The following HARS1 variants were observed in gnomAD, a reference collection of about 807,000 sequenced individuals.
The protein encoded by HARS1 is histidyl-tRNA synthetase 1.
A neutral mutation model predicts 63.6 loss-of-function variants in HARS1; 45 were observed. The ratio of observed to expected loss-of-function variants is 0.71; its 90% CI spans 0.56 to 0.91. The LOEUF (loss-of-function observed/expected upper bound fraction) is 0.91, where lower values mean the gene tolerates loss of function less well. Among genes scored for constraint, HARS1 ranks in the 40% least tolerant of loss-of-function variants. HARS1 has a pLI of 0.00. For missense variants in HARS1, 508 were observed against 643.2 expected (o/e 0.79, Z 2.27); for synonymous variants, 205 against 247.1 (o/e 0.83, Z 1.60).
At chr5:140,684,314 C>T (rs1758901309) in intron 2 of HARS1, 3 of 960,408 alleles carry the variant, frequency 3.1e-6, no homozygotes, top group Non-Finnish European at 3.7e-6. Context: ...CAAAAACAAA[C>T]CCAACCAAAC....
chr5:140,677,489 C>T (rs1407185158), intron 7 of HARS1, 69 bp from the exon 8 acceptor site: 3 of 1,280,778 alleles, frequency 2.3e-6, no homozygotes, highest in East Asian at 4.6e-5. Flanking sequence ...GTGTACTGTC[C>T]TCGGGGAACC....
At chr5:140,690,392 C>T (rs946467593) in intron 2 of HARS1, among the ~76,000 whole-genome samples, 33 of 151,960 alleles carry the variant, frequency 2.2e-4, no homozygotes, top group African/African-American at 7.0e-4. Flanking sequence ...GCAGCGGCTG[C>T]AGTGAGCCAA....
chr5:140,682,957 G>A (rs975381017), intron 3 of HARS1, 143 bp downstream of exon 3: 3 of 699,024 alleles, frequency 4.3e-6, no homozygotes, highest in Non-Finnish European at 7.2e-6. Flanking sequence ...AGCCATTCTT[G>A]TCCCCCTTCT....
Position 140,677,101 on chromosome 5 carries a change from A to G in HARS1, c.839T>C (p.Val280Ala). The G allele has an allele frequency of 6.2e-7, 1 of 1,614,070 alleles. No individual in the cohort carries two copies. The highest frequency in any genetic ancestry group is 1.1e-5 in the South Asian group (1 of 91,078). The change falls in exon 9 of 13, where the codon GTG becomes GCG. Residue 280 changes from valine to alanine, a missense_variant. Coordinates refer to ENST00000504156, the MANE Select transcript of HARS1 (RefSeq NM_002109.6). ...YVQQHGGVSL[V>A]EQLLQDPKLS... ...TTTAGGATCCTGGAGCAGCTGTTCC[A>G]CCAGGGATACCCCACCTGGGGAGAC...
chr5:140,675,996 C>T (rs1758340973), intron 10 of HARS1: 1 of 152,140 alleles, frequency 6.6e-6, no homozygotes, highest in Non-Finnish European at 1.5e-5. Flanking sequence ...AGACCAGCAG[C>T]AACAAAGGAG....
chr5:140,689,799 C>A (rs947857376), intron 2 of HARS1, among the ~76,000 whole-genome samples: 1 of 152,078 alleles, frequency 6.6e-6, no homozygotes, highest in Non-Finnish European at 1.5e-5. Flanking sequence ...GCCAAGAGCA[C>A]CTAGATGAAG....
At chr5:140,686,603 C>CTT (rs569351034) in intron 2 of HARS1, among the ~76,000 whole-genome samples, 7 of 135,930 alleles carry the variant, frequency 5.1e-5, no homozygotes, top group Non-Finnish European at 6.5e-5. Flanking sequence ...TTCTAAAATT[C>CTT]TTTTTTTTTT....
Position 140,676,592 on chromosome 5 carries a change from A to T in HARS1, c.1194+62T>A, listed in dbSNP as rs1010502915. On this transcript the variant is annotated intron_variant, in intron 10 of 12. Transcript: ENST00000504156. This position sits in a 1 kb window ranked among gnomAD's most constrained non-coding sequence, Gnocchi z 4.1. The stretch of plus-strand genomic sequence containing the variant: ...AGCAGCACCACTTGCTCCCTTGGAG[A>T]TCAGATAGCTTAGGTGCCACCACCT... The T allele has an allele frequency of 6.4e-6, 10 of 1,556,728 alleles. No homozygotes were observed. Among genetic ancestry groups the T allele is most frequent in the Non-Finnish European group, 7.9e-6 (9 of 1,138,294 alleles).
At chr5:140,680,515 T>C (rs1758657305) in intron 3 of HARS1, among the ~76,000 whole-genome samples, 2 of 152,192 alleles carry the variant, frequency 1.3e-5, no homozygotes, top group Admixed American at 1.3e-4. Flanking sequence ...CCTCATGTTA[T>C]ACTGTTAGGT....
rs1220070808 is a variant in HARS1, at chr5:140,679,915, T to C, written c.301-32A>G. On this transcript the variant is annotated intron_variant, in intron 3 of 12. Coordinates refer to ENST00000504156, the MANE Select transcript of HARS1 (RefSeq NM_002109.6). The surrounding 1 kb of genome is among the most constrained non-coding windows in gnomAD (Gnocchi z 4.3). ...AAAACATAAATAAATGTGGTCATAA[T>C]AATAAACATAACAATTTAAAAGGAA... 2 of 1,155,732 alleles carry C rather than the reference T, an allele frequency of 1.7e-6. No individual in the cohort carries two copies. The highest frequency in any genetic ancestry group is 1.3e-5 in the South Asian group (1 of 78,888). The allele number at this position is 1,155,732 out of a possible 1,614,324, so 71.6% of individuals were successfully genotyped here.
intron 2 of HARS1, among the ~76,000 whole-genome samples, chr5:140,690,428 G>A (rs1228351798): frequency 6.6e-6 from 1 of 150,502 alleles, no homozygotes; most frequent in Non-Finnish European, 1.5e-5. Flanking sequence ...TCCAGCCTGT[G>A]CAACAGAGGA....
At chr5:140,683,690 G>A (rs899619100) in intron 2 of HARS1, 1 of 157,828 alleles carries the variant, frequency 6.3e-6, no homozygotes, top group Admixed American at 6.3e-5. Flanking sequence ...AAATTAGCCG[G>A]GTGCGACGAC....
intron 3 of HARS1, chr5:140,682,760 A>G (rs1758798252): frequency 5.3e-6 from 1 of 187,520 alleles, no homozygotes; most frequent in African/African-American, 2.3e-5. Flanking sequence ...TTCAGAGTCC[A>G]TCAATAGGAG....
rs890552767 is a variant in HARS1, at chr5:140,677,858, T to C, written c.630+50A>G. On this transcript the variant is annotated intron_variant, in intron 6 of 12. Coordinates refer to ENST00000504156, the MANE Select transcript of HARS1 (RefSeq NM_002109.6). Reference sequence around the variant, plus strand: ...GGTCCCTCTGCACAAGGATCTTCTCTTGTGAGAGGCCAGGCCCAACTTTGC... The same window carrying C: ...GGTCCCTCTGCACAAGGATCTTCTCCTGTGAGAGGCCAGGCCCAACTTTGC... 5 of 1,426,130 alleles carry C rather than the reference T, an allele frequency of 3.5e-6. No individual in the cohort carries two copies. The African/African-American group carries it at 5.6e-5, about 16-fold the overall frequency. 88.3% of individuals were successfully genotyped at this position (1,426,130 alleles called of 1,614,324 possible).
At chr5:140,688,539 A>T (rs1406745765) in intron 2 of HARS1, among the ~76,000 whole-genome samples, 1 of 152,208 alleles carries the variant, frequency 6.6e-6, no homozygotes, top group Non-Finnish European at 1.5e-5. Context: ...GCAACTCCTT[A>T]ATATTATCTA....
chr5:140,690,967 G>C (rs1487523456), intron 1 of HARS1, 23 bp from the exon 2 acceptor site: 1 of 1,391,608 alleles, frequency 7.2e-7, no homozygotes, highest in Admixed American at 1.7e-5. Flanking sequence ...AGAAGGCGCT[G>C]AGCTATCCAT....
chr5:140,682,410 GA>G (rs1758777829), intron 3 of HARS1, among the ~76,000 whole-genome samples: 1 of 152,128 alleles, frequency 6.6e-6, no homozygotes, highest in Admixed American at 6.5e-5. Context: ...TGGGCAAGAG[GA>G]AAAATAGCAT....
chr5:140,676,884 G>A lies in HARS1; in HGVS notation c.964C>T (p.Leu322=). ...TAATCCAGCCCTCGAGCAAGGCTCAGGTCAAAGGAGATCTGTGGAGATAAG... is the reference window on the plus strand; with the variant it reads ...TAATCCAGCCCTCGAGCAAGGCTCAAGTCAAAGGAGATCTGTGGAGATAAG... The part of the protein sequence containing the change: ...FGIDDKISFD[L]SLARGLDYYT... The change falls in exon 10 of 13, where the codon CTG becomes TTG. Residue 322 remains leucine (L), a synonymous_variant. Coordinates refer to ENST00000504156, the MANE Select transcript of HARS1 (RefSeq NM_002109.6). This position sits in a 1 kb window ranked among gnomAD's most constrained non-coding sequence, Gnocchi z 4.1. 1.2e-6 allele frequency: 2 copies of A among 1,613,656 alleles called. No homozygotes were observed. The highest frequency in any genetic ancestry group is 1.7e-6 in the Non-Finnish European group (2 of 1,179,576).
Position 140,676,129 on chromosome 5 carries a change from G to A in HARS1, c.1194+525C>T, listed in dbSNP as rs1758350568. ...CATTTAGAGACAGTATTGCAGTGTGGTTAGTGGCAAGACTTTGGAGTCAGA... is the reference window on the plus strand; with the variant it reads ...CATTTAGAGACAGTATTGCAGTGTGATTAGTGGCAAGACTTTGGAGTCAGA... On this transcript the variant is annotated intron_variant, in intron 10 of 12. Transcript: ENST00000504156. The surrounding 1 kb of genome is among the most constrained non-coding windows in gnomAD (Gnocchi z 4.1). The A allele has an allele frequency of 6.5e-6, 1 of 155,022 alleles. No homozygotes were observed. Among genetic ancestry groups the A allele is most frequent in the African/African-American group, 2.4e-5 (1 of 41,452 alleles). The allele number at this position is 155,022 out of a possible 1,614,324, so 9.6% of individuals were successfully genotyped here. A position where few individuals can be genotyped will look rare whatever the true frequency, so the allele number is the denominator to read the frequency against.
Sources: gnomAD v4.1 joint callset for allele counts (sites outside exome capture counted in the v4.1 genomes callset) on GRCh38, gnomAD v4.1.1 for gene constraint, Gnocchi (gnomAD v3.1) non-coding constraint, MANE v1.5 for transcripts, NCBI Gene and HGNC (gene_info 2026-07-23, HGNC 2026-07-21) for gene names.